Variants in TMEM230 observed in about 807,000 individuals in gnomAD.
TMEM230 encodes the protein UPF0414 transmembrane protein C20orf30.
Under a neutral mutation model 15.8 loss-of-function variants are expected in TMEM230, and 10 were observed. The ratio of observed to expected loss-of-function variants is 0.63; its 90% confidence interval spans 0.39 to 1.07. The LOEUF is 1.07. Ranked by LOEUF, TMEM230 falls within the 50% of genes least tolerant of loss-of-function variation. TMEM230 has a pLI of 0.01. For missense variants in TMEM230, 165 were observed against 193.3 expected (o/e 0.85, Z 0.87); for synonymous variants, 67 against 76.9 (o/e 0.87, Z 0.68).
intron 3 of TMEM230, chr20:5,109,117 A>T (rs1159662994): frequency 9.8e-6 from 4 of 408,822 alleles, no homozygotes; most frequent in Non-Finnish European, 1.7e-5. Flanking sequence ...ACAACTAAAA[A>T]TTCTTAGAAA....
intron 3 of TMEM230, among the ~76,000 whole-genome samples, chr20:5,077,104 G>C (rs1248311065): frequency 6.6e-6 from 1 of 151,600 alleles, no homozygotes; most frequent in Non-Finnish European, 1.5e-5. Flanking sequence ...CCAGGAGTTC[G>C]AGATCAGCCT....
intron 3 of TMEM230, among the ~76,000 whole-genome samples, chr20:5,093,942 T>C (rs935793484): frequency 1.3e-5 from 2 of 151,344 alleles, no homozygotes; most frequent in Non-Finnish European, 2.9e-5. Flanking sequence ...ATCCGATCAG[T>C]GAGCTTTTTT....
intron 3 of TMEM230, among the ~76,000 whole-genome samples, chr20:5,090,709 C>G (rs2089482992): frequency 1.4e-5 from 2 of 147,362 alleles, no homozygotes; most frequent in Admixed American, 7.0e-5. Context: ...GTATCCTTAG[C>G]AATATCAATA....
At chr20:5,109,621 T>C (rs1486477163) in intron 2 of TMEM230, among the ~76,000 whole-genome samples, 176 bp from the exon 2 acceptor site, 1 of 152,168 alleles carries the variant, frequency 6.6e-6, no homozygotes, top group Non-Finnish European at 1.5e-5. Flanking sequence ...GGCATATGCA[T>C]ATGGAAAACC....
downstream of TMEM230, chr20:5,067,167 A>G (rs2088670097): frequency 6.6e-6 from 1 of 151,702 alleles, no homozygotes; most frequent in African/African-American, 2.4e-5. Flanking sequence ...GATGCTTCAG[A>G]ATTATCCGGT....
intron 3 of TMEM230, among the ~76,000 whole-genome samples, chr20:5,091,104 A>G (rs2089493051): frequency 6.6e-6 from 1 of 152,050 alleles, no homozygotes; most frequent in South Asian, 2.1e-4. Flanking sequence ...ACTCAAGCGA[A>G]CCTCCCACTT....
exon 4 of TMEM230, chr20:5,069,037 A>G: frequency 1.4e-6 from 1 of 704,280 alleles, no homozygotes; most frequent in Non-Finnish European, 2.3e-6. Context: ...CTCTAGGCAT[A>G]TGGAACATTC....
At chr20:5,098,190 C>T (rs1031354400), downstream of TMEM230, among the ~76,000 whole-genome samples, 2 of 151,562 alleles carry the variant, frequency 1.3e-5, no homozygotes, top group African/African-American at 2.4e-5. Context: ...TTGGTCAGGA[C>T]GGTCAAACTC....
chr20:5,073,347 G>A (rs571584613), intron 3 of TMEM230, among the ~76,000 whole-genome samples: 30 of 152,364 alleles, frequency 2.0e-4, no homozygotes, highest in Admixed American at 1.6e-3. Flanking sequence ...GACACAGGGA[G>A]CCCTAGTTGA....
chr20:5,106,088 C>CGG, intron 4 of TMEM230, 100 bp downstream of exon 3: 1 of 1,330,080 alleles, frequency 7.5e-7, no homozygotes, highest in Non-Finnish European at 1.0e-6. Context: ...AACACACACA[C>CGG]ACACACACAC....
At chr20:5,069,236 G>T in exon 4 of TMEM230, 3 of 1,535,940 alleles carry the variant, frequency 2.0e-6, no homozygotes, top group South Asian at 1.2e-5. Flanking sequence ...GAAGCCTTGA[G>T]CTGAGTCCTC....
downstream of TMEM230, among the ~76,000 whole-genome samples, chr20:5,099,402 T>G (rs2089767997): frequency 1.3e-5 from 2 of 151,712 alleles, no homozygotes; most frequent in South Asian, 4.2e-4. Context: ...CAGTCAACAT[T>G]CCCATTACCA....
intron 3 of TMEM230, among the ~76,000 whole-genome samples, chr20:5,078,276 G>A (rs990239589): frequency 1.3e-5 from 2 of 152,152 alleles, no homozygotes; most frequent in Admixed American, 6.6e-5. Flanking sequence ...AAGGGACTGC[G>A]CATTTTCATT....
chr20:5,105,941 G>A (rs921407907), intron 4 of TMEM230, among the ~76,000 whole-genome samples: 4 of 151,362 alleles, frequency 2.6e-5, no homozygotes, highest in South Asian at 2.1e-4. Flanking sequence ...TGGCACACAC[G>A]TGTAGTCCCA....
intron 4 of TMEM230, among the ~76,000 whole-genome samples, chr20:5,101,905 C>T (rs781619496): frequency 1.4e-4 from 21 of 152,318 alleles, no homozygotes; most frequent in Non-Finnish European, 2.8e-4. Flanking sequence ...AACTGACTTA[C>T]GAGGCACAGT....
chr20:5,066,288 A>G (rs1464244296), downstream of TMEM230: 1 of 152,180 alleles, frequency 6.6e-6, no homozygotes, highest in Non-Finnish European at 1.5e-5. Context: ...AATGTTGGAC[A>G]TGAAGGGCTT....
chr20:5,082,721 G>A (rs902402054), intron 3 of TMEM230, among the ~76,000 whole-genome samples: 14 of 152,126 alleles, frequency 9.2e-5, no homozygotes, highest in Non-Finnish European at 1.8e-4. Context: ...TGGGATTACA[G>A]ACTTGAGCCA....
chr20:5,103,181 GA>G (rs1199581998), intron 4 of TMEM230, among the ~76,000 whole-genome samples: 1 of 152,202 alleles, frequency 6.6e-6, no homozygotes, highest in African/African-American at 2.4e-5. Flanking sequence ...AACATAGTCA[GA>G]GGGGTGCAGT....
chr20:5,098,825 C>G (rs886690065), downstream of TMEM230, among the ~76,000 whole-genome samples: 1 of 151,946 alleles, frequency 6.6e-6, no homozygotes, highest in African/African-American at 2.4e-5. Flanking sequence ...ATTATAGAAC[C>G]ATACAATGGG....
Sources: allele counts gnomAD v4.1 joint callset (sites outside exome capture counted in the v4.1 genomes callset), GRCh38; gene constraint gnomAD v4.1.1; transcripts MANE v1.5; gene names NCBI Gene and HGNC (gene_info 2026-07-23, HGNC 2026-07-21).